The following FRYL variants were observed in gnomAD, a reference collection of about 807,000 sequenced individuals.
FRYL encodes the protein protein furry homolog-like.
In FRYL, 150 loss-of-function variants were observed where a neutral mutation model predicts 351.2. The observed-to-expected ratio is 0.43, with a 90% CI of 0.37 to 0.49. The LOEUF (loss-of-function observed/expected upper bound fraction) is 0.49, where lower values mean the gene tolerates loss of function less well. FRYL is among the 20% of genes least tolerant of loss of function. The pLI is 0.00. For synonymous variants in FRYL, 1,153 were observed against 1,257.1 expected (o/e 0.92, Z 1.75); for missense variants, 3,036 against 3,619.3 (o/e 0.84, Z 4.13).
chr4:48,597,381 A>G (rs1310608378), intron 13 of FRYL, among the ~76,000 whole-genome samples: 1 of 152,186 alleles, frequency 6.6e-6, no homozygotes, highest in African/African-American at 2.4e-5. Flanking sequence ...ACACACCAAG[A>G]GTAAACTCTA....
At chr4:48,649,763 A>C (rs1757258477) in intron 3 of FRYL, among the ~76,000 whole-genome samples, 1 of 152,214 alleles carries the variant, frequency 6.6e-6, no homozygotes, top group South Asian at 2.1e-4. Context: ...ACTATAATCA[A>C]ACTTCAGCAG....
chr4:48,734,229 T>C lies in FRYL; in HGVS notation c.-383-23531A>G, dbSNP rs1771039642. Among the ~76,000 whole-genome samples, 2 of 152,184 alleles carry C rather than the reference T, an allele frequency of 1.3e-5. 1 individual carries two copies. Among genetic ancestry groups the C allele is most frequent in the South Asian group, 4.1e-4 (2 of 4,836 alleles). On this transcript the variant is annotated intron_variant, in intron 1 of 63. Transcript: ENST00000358350. ...ATGGATAAAGAAAGAGATGTCATGC[T>C]AACACTAATCAAAAGAAAGTGGGAG...
At chr4:48,554,635 G>A (rs1469077573) in intron 35 of FRYL, among the ~76,000 whole-genome samples, 1 of 152,194 alleles carries the variant, frequency 6.6e-6, no homozygotes, top group Non-Finnish European at 1.5e-5. Context: ...CACAGCACCA[G>A]GCCAAAACTC....
intron 47 of FRYL, among the ~76,000 whole-genome samples, chr4:48,539,052 T>TA (rs1225351210): frequency 5.9e-5 from 9 of 152,194 alleles, no homozygotes; most frequent in Non-Finnish European, 1.0e-4. Context: ...AAACAAATGT[T>TA]AACAGATGAT....
At chr4:48,681,616 A>G (rs1340383957) in intron 3 of FRYL, among the ~76,000 whole-genome samples, 1 of 152,188 alleles carries the variant, frequency 6.6e-6, no homozygotes, top group Non-Finnish European at 1.5e-5. Context: ...CAACTTTTAT[A>G]AAACATGAAA....
At chr4:48,606,264 CTCT>C (rs1158627138) in intron 10 of FRYL, among the ~76,000 whole-genome samples, 171 bp downstream of exon 10, 2 of 151,310 alleles carry the variant, frequency 1.3e-5, no homozygotes, top group Non-Finnish European at 2.9e-5. Context: ...CAGAGTGAGA[CTCT>C]GTCTCAAGGA....
chr4:48,733,088 A>T (rs918258718), intron 1 of FRYL, among the ~76,000 whole-genome samples: 17 of 151,964 alleles, frequency 1.1e-4, no homozygotes. Flanking sequence ...CCACCTGGCC[A>T]ACATGGTGAA....
intron 1 of FRYL, among the ~76,000 whole-genome samples, chr4:48,718,780 G>A (rs1208586192): frequency 6.6e-6 from 1 of 151,154 alleles, no homozygotes; most frequent in Non-Finnish European, 1.5e-5. Flanking sequence ...ATATCTCTCA[G>A]AATCCTCCCT....
At chr4:48,605,690 T>C (rs373152972) in intron 11 of FRYL, 51 bp downstream of exon 11, 5 of 1,157,942 alleles carry the variant, frequency 4.3e-6, no homozygotes, top group Non-Finnish European at 6.5e-6. Context: ...ATAAGGTTGA[T>C]AAGGTTCTTG....
At chr4:48,512,750 C>T (rs1361055081) in intron 56 of FRYL, 62 bp from the exon 57 acceptor site, 5 of 1,198,760 alleles carry the variant, frequency 4.2e-6, no homozygotes, top group Non-Finnish European at 4.9e-6. Context: ...TAGGCTCAAT[C>T]ACGTAAGACA....
intron 55 of FRYL, among the ~76,000 whole-genome samples, chr4:48,515,779 T>G (rs960367629): frequency 2.6e-5 from 4 of 152,170 alleles, no homozygotes; most frequent in Admixed American, 2.6e-4. Flanking sequence ...CATTGAGGAC[T>G]TTTTTTCTCT....
chr4:48,604,712 C>T (rs989971117), intron 11 of FRYL, among the ~76,000 whole-genome samples: 10 of 152,168 alleles, frequency 6.6e-5, no homozygotes, highest in African/African-American at 2.4e-4. Context: ...AGACAATATA[C>T]ATTTCTGTTG....
At chr4:48,769,089 G>T (rs1288142275) in intron 1 of FRYL, among the ~76,000 whole-genome samples, 3 of 152,096 alleles carry the variant, frequency 2.0e-5, no homozygotes, top group Admixed American at 6.6e-5. Flanking sequence ...AACCATGATT[G>T]CACCACTGCA....
chr4:48,542,541 C>A (rs982937832), intron 44 of FRYL, among the ~76,000 whole-genome samples: 2 of 152,158 alleles, frequency 1.3e-5, no homozygotes, highest in African/African-American at 4.8e-5. Flanking sequence ...CTCAGCCTCC[C>A]GAGTAGCTGG....
chr4:48,711,902 C>T (rs917238569), intron 1 of FRYL, among the ~76,000 whole-genome samples: 11 of 152,146 alleles, frequency 7.2e-5, no homozygotes, highest in African/African-American at 1.2e-4. Context: ...GCAGCATTTG[C>T]GGTTCACGAA....
chr4:48,655,701 TG>T (rs1244068823), intron 3 of FRYL, among the ~76,000 whole-genome samples: 1 of 147,016 alleles, frequency 6.8e-6, no homozygotes, highest in Non-Finnish European at 1.5e-5. Context: ...TATTATATAA[TG>T]TATATATACA....
At chr4:48,631,613 G>C (rs1443127223) in intron 4 of FRYL, among the ~76,000 whole-genome samples, 1 of 152,032 alleles carries the variant, frequency 6.6e-6, no homozygotes, top group Non-Finnish European at 1.5e-5. Context: ...CTGGTATCGA[G>C]TAACTCACAT....
At chr4:48,744,545 T>A (rs1422387599) in intron 1 of FRYL, among the ~76,000 whole-genome samples, 1 of 152,094 alleles carries the variant, frequency 6.6e-6, no homozygotes, top group Non-Finnish European at 1.5e-5. Context: ...ATATGCCTGA[T>A]TTTTTTTCTT....
At chr4:48,721,891 C>T (rs528141271) in intron 1 of FRYL, among the ~76,000 whole-genome samples, 10 of 152,276 alleles carry the variant, frequency 6.6e-5, no homozygotes, top group Admixed American at 1.3e-4. Context: ...CCACCTGCTT[C>T]GGCCTCCCAA....
Sources: gnomAD v4.1 joint callset for allele counts (sites outside exome capture counted in the v4.1 genomes callset) on GRCh38, gnomAD v4.1.1 for gene constraint, MANE v1.5 for transcripts, NCBI Gene and HGNC (gene_info 2026-07-23, HGNC 2026-07-21) for gene names.